The following LIN9 variants were observed in gnomAD, a reference collection of about 807,000 sequenced individuals.
The protein encoded by LIN9 is lin-9 DREAM MuvB core complex component.
Under a neutral mutation model 78.0 loss-of-function variants are expected in LIN9, and 18 were observed. The observed-to-expected ratio is 0.23, with a 90% confidence interval of 0.16 to 0.34. LIN9 has a LOEUF of 0.34. Ranked by LOEUF, LIN9 falls within the 10% of genes least tolerant of loss-of-function variation. The probability of loss-of-function intolerance (pLI) is 1.00; values close to 1 mark genes in which losing one functional copy is unlikely to be tolerated. For missense variants in LIN9, 451 were observed against 644.1 expected, an observed-to-expected ratio of 0.70 and a Z score of 3.25; for synonymous variants, 192 against 215.2, an observed-to-expected ratio of 0.89 and a Z score of 0.94.
At chr1:226,293,305 T>C (rs773989049) in intron 4 of LIN9, among the ~76,000 whole-genome samples, 6 of 152,190 alleles carry the variant, frequency 3.9e-5, no homozygotes, top group Non-Finnish European at 8.8e-5. Context: ...TAAAAAGGGC[T>C]CTGTAAAATA....
In LIN9 at chr1:226,255,414, C is replaced by T. The variant is rs570491151; in HGVS notation, c.1039-4495G>A. ...CAACCCCAGCCCACTCTAGCCACCC[C>T]GTACCACATAAGAGGAGGAAAAACT... On this transcript the variant is annotated intron_variant, in intron 10 of 14. Coordinates refer to ENST00000681046, the MANE Select transcript of LIN9 (RefSeq NM_001366245.2). Among the ~76,000 whole-genome samples, 7 of 152,262 alleles carry T rather than the reference C, an allele frequency of 4.6e-5. No homozygotes were observed. In the South Asian group the frequency reaches 1.2e-3, roughly 27 times the overall value.
upstream of LIN9, chr1:226,309,261 C>A: frequency 8.2e-7 from 1 of 1,212,886 alleles, no homozygotes; most frequent in Admixed American, 3.9e-5. Flanking sequence ...CGCTGCGCTG[C>A]TCCCGCCGCG....
At chr1:226,250,337 G>A (rs1292940193) in intron 11 of LIN9, among the ~76,000 whole-genome samples, 1 of 152,068 alleles carries the variant, frequency 6.6e-6, no homozygotes, top group East Asian at 1.9e-4. Flanking sequence ...TTTATAACCT[G>A]CCATTACAAC....
upstream of LIN9, chr1:226,309,731 A>G: frequency 7.8e-7 from 1 of 1,287,488 alleles, no homozygotes; most frequent in Non-Finnish European, 1.0e-6. Flanking sequence ...ACTCGGTCCC[A>G]GCGGCCCCTC....
rs140196952 is a variant in LIN9, at chr1:226,263,801, G to A, written c.1038+1732C>T. On this transcript the variant is annotated intron_variant, in intron 10 of 14. Coordinates refer to ENST00000681046, the MANE Select transcript of LIN9 (RefSeq NM_001366245.2). Reference sequence around the variant, plus strand: ...AACAATATATCATTGGCTGGGCATGGTGACTCAAGCCTGTAATCTTAGCAC... The same window carrying A: ...AACAATATATCATTGGCTGGGCATGATGACTCAAGCCTGTAATCTTAGCAC... Among the ~76,000 whole-genome samples the A allele has an allele frequency of 2.0e-5, 3 of 152,264 alleles. No homozygotes were observed. The East Asian group carries it at 5.8e-4, about 29-fold the overall frequency.
intron 10 of LIN9, among the ~76,000 whole-genome samples, chr1:226,254,910 CAAA>C (rs78061206): frequency 1.4e-4 from 7 of 50,712 alleles, no homozygotes; most frequent in African/African-American, 5.1e-4. Context: ...GACTCTGTCT[CAAA>C]AAAAAAAAAA....
At chr1:226,275,428 G>T (rs891145696) in intron 7 of LIN9, among the ~76,000 whole-genome samples, 1 of 152,164 alleles carries the variant, frequency 6.6e-6, no homozygotes, top group African/African-American at 2.4e-5. Flanking sequence ...GGGTGCGGTG[G>T]CTCACACCTG....
At chr1:226,247,440 G>C (rs1658556609) in intron 11 of LIN9, among the ~76,000 whole-genome samples, 1 of 152,014 alleles carries the variant, frequency 6.6e-6, no homozygotes, top group African/African-American at 2.4e-5. Context: ...TTCCTCCAAA[G>C]AGGACTTAAA....
At chr1:226,290,880 C>G (rs934462663) in intron 4 of LIN9, among the ~76,000 whole-genome samples, 2 of 152,116 alleles carry the variant, frequency 1.3e-5, no homozygotes, top group Non-Finnish European at 2.9e-5. Flanking sequence ...CCTCAGCCTC[C>G]CGAGTAGCTG....
chr1:226,309,283 C>T (rs1264020490), upstream of LIN9: 12 of 1,103,534 alleles, frequency 1.1e-5, no homozygotes, highest in African/African-American at 8.4e-5. Flanking sequence ...CTGGCTGAGG[C>T]GGGCCCGGCT....
chr1:226,252,037 T>C (rs562484106), intron 10 of LIN9, among the ~76,000 whole-genome samples: 2 of 152,204 alleles, frequency 1.3e-5, no homozygotes, highest in East Asian at 1.9e-4. Flanking sequence ...GGAAGATCAC[T>C]TAAGCCCAAG....
At chr1:226,252,574 A>G (rs1407685084) in intron 10 of LIN9, among the ~76,000 whole-genome samples, 2 of 152,180 alleles carry the variant, frequency 1.3e-5, no homozygotes, top group African/African-American at 2.4e-5. Flanking sequence ...AAGGCACTCA[A>G]CATTTAAAAA....
chr1:226,298,365 G>A (rs1558207011), intron 2 of LIN9, among the ~76,000 whole-genome samples: 2 of 152,080 alleles, frequency 1.3e-5, no homozygotes, highest in Non-Finnish European at 2.9e-5. Flanking sequence ...GTGCCACCAC[G>A]CCTAGCTAAT....
chr1:226,259,863 T>TAA (rs879933378), intron 10 of LIN9, among the ~76,000 whole-genome samples: 1 of 131,136 alleles, frequency 7.6e-6, no homozygotes, highest in African/African-American at 2.8e-5. Context: ...CTTAGGAAAC[T>TAA]AAAAAAAAAA....
intron 11 of LIN9, among the ~76,000 whole-genome samples, chr1:226,249,193 G>A (rs1463518947): frequency 3.3e-5 from 5 of 152,144 alleles, no homozygotes; most frequent in Admixed American, 2.0e-4. Context: ...ACAGAAGTGG[G>A]GTGGAAGAGC....
At chr1:226,301,725 G>C (rs993842379) in intron 1 of LIN9, among the ~76,000 whole-genome samples, 2 of 152,194 alleles carry the variant, frequency 1.3e-5, no homozygotes, top group African/African-American at 4.8e-5. Flanking sequence ...GAATGGCCAA[G>C]AGGGGCTAGA....
At chr1:226,246,780 G>C (rs60435592) in intron 11 of LIN9, among the ~76,000 whole-genome samples, 2 of 129,196 alleles carry the variant, frequency 1.5e-5, no homozygotes, top group South Asian at 5.4e-4. Context: ...GTGACAGAGC[G>C]AGACTCTGTC....
At position 226,232,357 on chromosome 1, in the gene LIN9, T is replaced by C. The variant is rs754945670; in HGVS notation, c.*144A>G. The C allele has an allele frequency of 2.3e-5, 12 of 527,240 alleles. No homozygotes were observed. The highest frequency in any genetic ancestry group is 1.0e-4 in the Admixed American group (3 of 28,832). 32.7% of individuals were successfully genotyped at this position (527,240 alleles called of 1,614,324 possible). On this transcript the variant is annotated 3_prime_UTR_variant, in exon 15 of 15. Coordinates refer to ENST00000681046, the MANE Select transcript of LIN9 (RefSeq NM_001366245.2). Reference sequence around the variant, plus strand: ...TCAGCAATGCTGGTTTAAGAAGCAGTACAGTCTATTAAAATGCCTTATTTG... The same window carrying C: ...TCAGCAATGCTGGTTTAAGAAGCAGCACAGTCTATTAAAATGCCTTATTTG...
chr1:226,256,465 C>T (rs564026125), intron 10 of LIN9, among the ~76,000 whole-genome samples: 37 of 151,914 alleles, frequency 2.4e-4, no homozygotes, highest in African/African-American at 8.4e-4. Context: ...TTTGGAAGGC[C>T]AAGAGGGAGG....
Sources: gnomAD v4.1 joint callset for allele counts (sites outside exome capture counted in the v4.1 genomes callset) on GRCh38, gnomAD v4.1.1 for gene constraint, MANE v1.5 for transcripts, NCBI Gene and HGNC (gene_info 2026-07-23, HGNC 2026-07-21) for gene names.